Variants in GRIK4 observed in about 807,000 individuals in gnomAD.
GRIK4 encodes the protein glutamate receptor ionotropic, kainate 4.
Under a neutral mutation model 104.9 loss-of-function variants are expected in GRIK4, and 40 were observed. The ratio of observed to expected loss-of-function variants is 0.38; its 90% CI spans 0.30 to 0.50. GRIK4 has a LOEUF of 0.50. Among genes scored for constraint, GRIK4 ranks in the 20% least tolerant of loss-of-function variants. The probability of loss-of-function intolerance (pLI) is 0.93; values close to 1 mark genes in which losing one functional copy is unlikely to be tolerated. For missense variants in GRIK4, 1,047 were observed against 1,308.1 expected (o/e 0.80, Z 3.08); for synonymous variants, 485 against 524.9 (o/e 0.92, Z 1.04).
intron 8 of GRIK4, among the ~76,000 whole-genome samples, chr11:120,847,731 C>T (rs1380066806): frequency 6.6e-6 from 1 of 152,188 alleles, no homozygotes; most frequent in East Asian, 1.9e-4. Flanking sequence ...ACTTACTATC[C>T]TATGTAAGGC....
At chr11:120,957,591 A>AT (rs553062830) in intron 16 of GRIK4, among the ~76,000 whole-genome samples, 71 of 136,520 alleles carry the variant, frequency 5.2e-4, no homozygotes, top group African/African-American at 2.0e-3. Flanking sequence ...GACAAAACAA[A>AT]TGTGTGTGTG....
At position 120,939,427 on chromosome 11, in the gene GRIK4, C is replaced by T. The variant is rs1943669846; in HGVS notation, c.1477-920C>T. Among the ~76,000 whole-genome samples the T allele has an allele frequency of 6.6e-6, 1 of 152,178 alleles. No homozygotes were observed. Reference sequence around the variant, plus strand: ...TCTGCTAATGACATCTGAAGTTTCACCTGGACAGCGACATAAGTGGCCAGT... The same window carrying T: ...TCTGCTAATGACATCTGAAGTTTCATCTGGACAGCGACATAAGTGGCCAGT... On this transcript the variant is annotated intron_variant, in intron 13 of 20. Coordinates refer to ENST00000527524, the MANE Select transcript of GRIK4 (RefSeq NM_014619.5). This position sits in a 1 kb window ranked among gnomAD's most constrained non-coding sequence, Gnocchi z 5.6.
chr11:120,570,171 G>A (rs1423801126), intron 1 of GRIK4, among the ~76,000 whole-genome samples: 3 of 152,244 alleles, frequency 2.0e-5, no homozygotes, highest in African/African-American at 7.2e-5. Flanking sequence ...GTCTCGTGGG[G>A]AACCTCGCTC....
chr11:120,664,992 C>A (rs763975128), intron 3 of GRIK4, among the ~76,000 whole-genome samples: 1 of 152,056 alleles, frequency 6.6e-6, no homozygotes, highest in East Asian at 1.9e-4. Context: ...TTACGAGGAC[C>A]CTCCAAGCAC....
rs746279530 is a variant in GRIK4 at position 120,967,298 on chromosome 11, C to T, written c.2370C>T (p.Pro790=). The change falls in exon 19 of 21, where the codon CCC becomes CCT. Residue 790 remains proline (P), a synonymous_variant. Coordinates refer to ENST00000527524, the MANE Select transcript of GRIK4 (RefSeq NM_014619.5). The surrounding 1 kb of genome is among the most constrained non-coding windows in gnomAD (Gnocchi z 4.2). The part of the protein sequence containing the change: ...KRKWWEGGKC[P]KEEDHRAKGL... ...AATGGTGGGAAGGAGGGAAGTGCCC[C>T]AAGGAGGAAGATCACAGAGCTAAAG... The T allele has an allele frequency of 6.2e-7, 1 of 1,613,664 alleles. No individual in the cohort carries two copies. The highest frequency in any genetic ancestry group is 1.1e-5 in the South Asian group (1 of 90,992).
intron 13 of GRIK4, among the ~76,000 whole-genome samples, chr11:120,917,462 G>T (rs1043061983): frequency 6.6e-6 from 1 of 152,126 alleles, no homozygotes; most frequent in South Asian, 2.1e-4. Flanking sequence ...AAAGGCAAGG[G>T]GGGCACAGGC....
chr11:120,721,859 A>C (rs1381480142), intron 3 of GRIK4, among the ~76,000 whole-genome samples: 3 of 152,230 alleles, frequency 2.0e-5, no homozygotes, highest in African/African-American at 7.2e-5. Context: ...ATCAAAATAC[A>C]GAAAATGAAA....
At chr11:120,700,675 T>A (rs2135332063) in intron 3 of GRIK4, among the ~76,000 whole-genome samples, 1 of 152,164 alleles carries the variant, frequency 6.6e-6, no homozygotes, top group East Asian at 1.9e-4. Context: ...GCTAGACTGG[T>A]CTCAAACTCC....
In GRIK4 at chr11:120,898,581, A is replaced by G. The variant is rs1420126657; in HGVS notation, c.1214A>G (p.Tyr405Cys). 2 of 1,613,172 alleles carry G rather than the reference A, an allele frequency of 1.2e-6. No individual in the cohort carries two copies. The highest frequency in any genetic ancestry group is 1.3e-5 in the African/African-American group (1 of 74,896). The change falls in exon 12 of 21, where the codon TAT (tyrosine) becomes TGT (cysteine). Residue 405 changes from tyrosine (Y) to cysteine (C), a missense_variant. Around this residue, in one of 3 missense-constraint regions of GRIK4, gnomAD observed 440 missense variants for 652.3 expected, o/e 0.67. Transcript: ENST00000527524. ...AEGLSMDSHL[Y>C]ASNISDTLFN... The stretch of plus-strand genomic sequence containing the variant: ...GGCCTCAGCATGGACAGCCACCTCT[A>G]TGCCTCCAACATCTCGGACACTCTC...
rs542627419 is a variant in GRIK4, at chr11:120,515,988, C to T, written c.-159+4101C>T. On this transcript the variant is annotated intron_variant, in intron 1 of 20. Coordinates refer to ENST00000527524, the MANE Select transcript of GRIK4 (RefSeq NM_014619.5). ...TCCCAGGAGGTCACACACTCTGTCC[C>T]ACATCCCAGACTGGTGAGTGCGGTA... Among the ~76,000 whole-genome samples, 5 of 152,306 alleles carry T rather than the reference C, an allele frequency of 3.3e-5. No homozygotes were observed. The East Asian group carries it at 9.6e-4, about 29-fold the overall frequency.
chr11:120,756,415 C>A (rs995935656), intron 3 of GRIK4, among the ~76,000 whole-genome samples: 1 of 152,134 alleles, frequency 6.6e-6, no homozygotes, highest in East Asian at 1.9e-4. Flanking sequence ...GTGTCCTGTG[C>A]CACATACTGC....
chr11:120,798,805 A>T (rs1404909530), intron 3 of GRIK4, among the ~76,000 whole-genome samples: 2 of 152,228 alleles, frequency 1.3e-5, no homozygotes, highest in Non-Finnish European at 2.9e-5. Context: ...TGATCCTATC[A>T]GATCAAGGTC....
rs917817328 is a variant in GRIK4 at position 120,549,916 on chromosome 11, T to C, written c.-159+38029T>C. 6.6e-6 allele frequency among the ~76,000 whole-genome samples: 1 copy of C among 152,246 alleles called. No individual in the cohort carries two copies. The highest frequency in any genetic ancestry group is 2.4e-5 in the African/African-American group (1 of 41,458). Reference sequence around the variant, plus strand: ...GAGGTAGACGGCAGCCTCAGCCATTTTGCTATCAATAAATTACTCTTTATC... The same window carrying C: ...GAGGTAGACGGCAGCCTCAGCCATTCTGCTATCAATAAATTACTCTTTATC... On this transcript the variant is annotated intron_variant, in intron 1 of 20. Coordinates refer to ENST00000527524, the MANE Select transcript of GRIK4 (RefSeq NM_014619.5). The surrounding 1 kb of genome is among the most constrained non-coding windows in gnomAD (Gnocchi z 4.7).
intron 6 of GRIK4, among the ~76,000 whole-genome samples, chr11:120,825,289 A>G (rs1453861568): frequency 6.6e-6 from 1 of 152,128 alleles, no homozygotes; most frequent in African/African-American, 2.4e-5. Context: ...ATCTTCTGCT[A>G]CTTATTTTCT....
chr11:120,898,937 C>T (rs961284283), intron 12 of GRIK4, among the ~76,000 whole-genome samples: 4 of 152,196 alleles, frequency 2.6e-5, no homozygotes, highest in African/African-American at 9.7e-5. Flanking sequence ...ACCTGTGACA[C>T]AGAGCGGGCA....
chr11:120,669,718 C>T (rs1163693648), intron 3 of GRIK4, among the ~76,000 whole-genome samples: 1 of 152,232 alleles, frequency 6.6e-6, no homozygotes, highest in Admixed American at 6.5e-5. Context: ...CTGGCTATTC[C>T]TTCTCAGTCT....
intron 6 of GRIK4, among the ~76,000 whole-genome samples, chr11:120,828,498 A>G (rs1238636224): frequency 5.3e-5 from 8 of 152,098 alleles, no homozygotes; most frequent in African/African-American, 1.9e-4. Flanking sequence ...TGTAGTTGCC[A>G]TCTTCTTAAT....
intron 11 of GRIK4, among the ~76,000 whole-genome samples, chr11:120,885,784 C>T (rs1955103061): frequency 6.6e-6 from 1 of 152,176 alleles, no homozygotes; most frequent in Admixed American, 6.5e-5. Context: ...CTTCAGAAAC[C>T]ATGAGCTAGG....
chr11:120,517,916 G>T (rs533975986), intron 1 of GRIK4, among the ~76,000 whole-genome samples: 1 of 152,188 alleles, frequency 6.6e-6, no homozygotes, highest in Non-Finnish European at 1.5e-5. Context: ...TAGCCCAGAG[G>T]AGGTTAAGTT....
Sources: gnomAD v4.1 joint callset for allele counts (sites outside exome capture counted in the v4.1 genomes callset) on GRCh38, gnomAD v4.1.1 for gene constraint, gnomAD v4.1.1 regional missense constraint, Gnocchi (gnomAD v3.1) non-coding constraint, MANE v1.5 for transcripts, NCBI Gene and HGNC (gene_info 2026-07-23, HGNC 2026-07-21) for gene names.